CECR2: variants seen among roughly 807,000 people sequenced by gnomAD.
CECR2 encodes the protein chromatin remodeling regulator CECR2.
In CECR2, 30 loss-of-function variants were observed where a neutral mutation model predicts 154.5. The observed-to-expected ratio is 0.19, with a 90% CI of 0.15 to 0.26. The LOEUF (loss-of-function observed/expected upper bound fraction) is 0.26. CECR2 is among the 10% of genes least tolerant of loss of function. The pLI, the probability that CECR2 is intolerant of heterozygous loss-of-function variation, is 1.00. For synonymous variants in CECR2, 725 were observed against 683.7 expected (o/e 1.06, Z -0.94); for missense variants, 1,743 against 1,829.3 (o/e 0.95, Z 0.86).
At chr22:17,486,843 C>G (rs542090145) in intron 2 of CECR2, among the ~76,000 whole-genome samples, 1 of 152,274 alleles carries the variant, frequency 6.6e-6, no homozygotes, top group East Asian at 1.9e-4. Flanking sequence ...TGGTGATTCT[C>G]CAGCCTTACC....
At chr22:17,534,499 CTTTA>C (rs941598249) in intron 9 of CECR2, among the ~76,000 whole-genome samples, 2 of 151,660 alleles carry the variant, frequency 1.3e-5, no homozygotes, top group African/African-American at 2.4e-5. Flanking sequence ...TATTTGATTA[CTTTA>C]TTTATTTATT....
intron 2 of CECR2, among the ~76,000 whole-genome samples, chr22:17,493,534 TAGG>T (rs2055568049): frequency 6.6e-6 from 1 of 152,180 alleles, no homozygotes; most frequent in East Asian, 1.9e-4. Flanking sequence ...TGTAGATTTC[TAGG>T]AGAAGGTTGA....
At chr22:17,477,197 G>A (rs2146792160) in intron 1 of CECR2, 1 of 713,144 alleles carries the variant, frequency 1.4e-6, no homozygotes, top group South Asian at 1.5e-5. Flanking sequence ...ACAATTACAT[G>A]AGCACTCCTT....
At chr22:17,369,963 C>A (rs1233701340) in intron 1 of CECR2, 54 bp downstream of exon 1, 3 of 151,118 alleles carry the variant, frequency 2.0e-5, no homozygotes, top group African/African-American at 7.3e-5. Context: ...CTCCCCCTGC[C>A]CCGCGCGGGG....
In CECR2 at chr22:17,534,320, G is replaced by A. The variant is rs537329469; in HGVS notation, c.1109-2783G>A. Among the ~76,000 whole-genome samples the A allele has an allele frequency of 3.5e-4, 53 of 152,026 alleles. 1 individual carries two copies. The highest frequency in any genetic ancestry group is 6.9e-4 in the Non-Finnish European group (47 of 68,002). On this transcript the variant is annotated intron_variant, in intron 9 of 18. Coordinates refer to ENST00000262608, the MANE Select transcript of CECR2 (RefSeq NM_001290047.2). Reference sequence around the variant, plus strand: ...CCCCTGTCTCTTGGGAGAGAACAGTGGTACCAGGACACTTGTTCATTTATA... The same window carrying A: ...CCCCTGTCTCTTGGGAGAGAACAGTAGTACCAGGACACTTGTTCATTTATA...
At chr22:17,445,549 ATT>A (rs2054646690) in intron 1 of CECR2, among the ~76,000 whole-genome samples, 6 of 50,748 alleles carry the variant, frequency 1.2e-4, no homozygotes, top group Non-Finnish European at 1.6e-4. Flanking sequence ...ATACTTTATT[ATT>A]ATTATTATTA....
At chr22:17,379,020 G>A (rs978018742) in intron 1 of CECR2, among the ~76,000 whole-genome samples, 7 of 152,122 alleles carry the variant, frequency 4.6e-5, no homozygotes, top group South Asian at 2.1e-4. Flanking sequence ...GCAGTGGTGC[G>A]ATCTCGGCTC....
intron 17 of CECR2, chr22:17,550,548 C>A (rs2056692437): frequency 6.6e-6 from 1 of 152,426 alleles, no homozygotes; most frequent in African/African-American, 2.4e-5. Context: ...CAAACAAGTC[C>A]CCATGAGACT....
intron 4 of CECR2, among the ~76,000 whole-genome samples, chr22:17,500,227 A>AG (rs2055712167): frequency 7.1e-6 from 1 of 140,420 alleles, no homozygotes; most frequent in Non-Finnish European, 1.6e-5. Flanking sequence ...AAAAAAAAAA[A>AG]GAATTTAATG....
intron 7 of CECR2, among the ~76,000 whole-genome samples, chr22:17,506,365 A>G (rs1171363375): frequency 2.1e-5 from 3 of 143,964 alleles, no homozygotes; most frequent in Admixed American, 6.8e-5. Context: ...GGGCTGAAGC[A>G]CTCTTCCTGT....
intron 1 of CECR2, among the ~76,000 whole-genome samples, chr22:17,474,248 C>T (rs1037657288): frequency 6.6e-6 from 1 of 152,132 alleles, no homozygotes; most frequent in Admixed American, 6.5e-5. Context: ...TTCTGGGTGG[C>T]TTCTGACACA....
chr22:17,394,457 C>T (rs75103738), intron 1 of CECR2, among the ~76,000 whole-genome samples: 7,989 of 151,884 alleles, frequency 0.053, 329 homozygotes, highest in African/African-American at 0.12. Flanking sequence ...GATGCTCCTG[C>T]GTAGGTTTTC....
chr22:17,470,954 CCT>C (rs2055117409), intron 1 of CECR2, among the ~76,000 whole-genome samples: 1 of 152,148 alleles, frequency 6.6e-6, no homozygotes, highest in African/African-American at 2.4e-5. Context: ...GCAGTGATCT[CCT>C]AGTAGCAAGA....
intron 1 of CECR2, among the ~76,000 whole-genome samples, chr22:17,411,926 G>C (rs1433573651): frequency 6.6e-6 from 1 of 151,518 alleles, no homozygotes; most frequent in Non-Finnish European, 1.5e-5. Context: ...CTGTAATTCA[G>C]ATATGGCCAT....
chr22:17,376,827 G>A (rs1191096857), intron 1 of CECR2, among the ~76,000 whole-genome samples: 2 of 151,946 alleles, frequency 1.3e-5, no homozygotes, highest in African/African-American at 2.4e-5. Flanking sequence ...TAGGAGAGAT[G>A]GGGTTTCGCT....
rs1420996071 is a variant in CECR2, at chr22:17,497,392, C to A, written c.222-11C>A. On this transcript the variant is annotated splice_polypyrimidine_tract_variant and intron_variant, in intron 2 of 18. Coordinates refer to ENST00000262608, the MANE Select transcript of CECR2 (RefSeq NM_001290047.2). ...TATTAATGTATTTTTGTGTTTGGGG[C>A]CCTGGTCTAGGCCTCAGACATTCCA... 1.9e-6 allele frequency: 3 copies of A among 1,608,814 alleles called. No homozygotes were observed. In the South Asian group the frequency reaches 3.3e-5, roughly 18 times the overall value.
At chr22:17,364,125 C>T (rs562025169) in intron 1 of CECR2, among the ~76,000 whole-genome samples, 3 of 151,860 alleles carry the variant, frequency 2.0e-5, no homozygotes, top group Non-Finnish European at 2.9e-5. Flanking sequence ...GGGCAGATCA[C>T]GAGGTCAGAA....
chr22:17,440,731 A>C (rs759856777), intron 1 of CECR2, among the ~76,000 whole-genome samples: 1 of 152,190 alleles, frequency 6.6e-6, no homozygotes, highest in Non-Finnish European at 1.5e-5. Context: ...CAGATTTATT[A>C]GAAACAGAAA....
In CECR2 at chr22:17,409,833, A is replaced by G. The variant is rs965418147; in HGVS notation, c.126+39924A>G. On this transcript the variant is annotated intron_variant, in intron 1 of 18. Coordinates refer to ENST00000262608, the MANE Select transcript of CECR2 (RefSeq NM_001290047.2). ...GTCCTATACATAGTAGATGTACTCA[A>G]TAAATATTTACTGAGTGAGTGAATG... 7.2e-5 allele frequency among the ~76,000 whole-genome samples: 8 copies of G among 111,656 alleles called. 2 individuals are homozygous for G. The highest frequency in any genetic ancestry group is 1.9e-4 in the Admixed American group (2 of 10,482). 73.3% of individuals were successfully genotyped at this position (111,656 alleles called of 152,430 possible).
Sources: allele counts gnomAD v4.1 joint callset (sites outside exome capture counted in the v4.1 genomes callset), GRCh38; gene constraint gnomAD v4.1.1; transcripts MANE v1.5; gene names NCBI Gene and HGNC (gene_info 2026-07-23, HGNC 2026-07-21).